The following PRH1 variants were observed in gnomAD, a reference collection of about 807,000 sequenced individuals.
PRH1 encodes proline rich protein HaeIII subfamily 1.
A neutral mutation model predicts 7.9 loss-of-function variants in PRH1; 7 were observed. The observed-to-expected ratio is 0.89, with a 90% CI of 0.50 to 1.67. The LOEUF is 1.67. PRH1 is among the 40% of genes most tolerant of loss of function. PRH1 has a pLI of 0.00. For missense variants in PRH1, 109 were observed against 223.6 expected, an observed-to-expected ratio of 0.49 and a Z score of 3.27; for synonymous variants, 45 against 80.8, an observed-to-expected ratio of 0.56 and a Z score of 2.38.
intron 1 of PRH1, among the ~76,000 whole-genome samples, chr12:11,067,839 G>A (rs542083301): frequency 1.3e-5 from 2 of 152,208 alleles, no homozygotes; most frequent in South Asian, 2.1e-4. Flanking sequence ...CTCCAGCCTG[G>A]GCAACAGAGA....
intron 1 of PRH1, among the ~76,000 whole-genome samples, chr12:10,981,179 A>T (rs1939331491): frequency 6.6e-6 from 1 of 152,122 alleles, no homozygotes; most frequent in African/African-American, 2.4e-5. Context: ...AAGAACACTC[A>T]GGATGTATCA....
At chr12:10,893,938 T>C (rs926450914) in intron 2 of PRH1, among the ~76,000 whole-genome samples, 1 of 152,176 alleles carries the variant, frequency 6.6e-6, no homozygotes, top group African/African-American at 2.4e-5. Context: ...TATTTTTACA[T>C]GCTTTCTCAT....
chr12:11,067,409 C>T (rs977453949), intron 1 of PRH1, among the ~76,000 whole-genome samples: 2 of 150,292 alleles, frequency 1.3e-5, no homozygotes, highest in Non-Finnish European at 3.0e-5. Context: ...CTTTGTGACA[C>T]TTTGACATGT....
chr12:11,062,188 A>G (rs372249503), intron 1 of PRH1: 7 of 1,613,522 alleles, frequency 4.3e-6, no homozygotes, highest in Middle Eastern at 1.6e-4. Flanking sequence ...TTGTCTCTTG[A>G]ACCACTCAAT....
intron 1 of PRH1, among the ~76,000 whole-genome samples, chr12:11,014,583 G>C (rs1941207412): frequency 5.3e-5 from 8 of 152,088 alleles, no homozygotes; most frequent in Admixed American, 5.2e-4. Context: ...TGATTCCTGA[G>C]GTCAGCCTTT....
At chr12:11,133,002 T>C (rs956301462) in intron 1 of PRH1, 19 of 346,380 alleles carry the variant, frequency 5.5e-5, no homozygotes, top group African/African-American at 4.0e-4. Context: ...ATAAAATACA[T>C]GTATGAAATA....
intron 1 of PRH1, among the ~76,000 whole-genome samples, chr12:11,019,215 C>G (rs376213840): frequency 0.015 from 2,224 of 152,246 alleles, 1 homozygote; most frequent in South Asian, 0.028. Context: ...TTTGTTGTGG[C>G]TTCCCCTTGT....
chr12:10,907,784 T>TA (rs1949827167), intron 2 of PRH1: 1 of 150,694 alleles, frequency 6.6e-6, no homozygotes, highest in Non-Finnish European at 1.5e-5. Flanking sequence ...TAATATTTAC[T>TA]TTAAAAGGCA....
intron 1 of PRH1, among the ~76,000 whole-genome samples, chr12:11,036,762 A>G (rs1942447329): frequency 6.6e-6 from 1 of 152,194 alleles, no homozygotes; most frequent in African/African-American, 2.4e-5. Context: ...TCTTTTTAAA[A>G]TTACTTATTT....
At chr12:10,912,273 G>A (rs1257976039) in intron 2 of PRH1, among the ~76,000 whole-genome samples, 2 of 152,066 alleles carry the variant, frequency 1.3e-5, no homozygotes, top group East Asian at 3.8e-4. Flanking sequence ...GAGTACATGA[G>A]CATACATTTC....
In PRH1 at chr12:11,145,726, A is replaced by G. The variant is rs372728210; in HGVS notation, n.40-24546T>C. On this transcript the variant is annotated intron_variant and non_coding_transcript_variant, in intron 1 of 1. Transcript: ENST00000541175. ...ACAAACAAAAAGGTTAAAGTCGCTT[A>G]AGCCAGCATTGCCTAAAATATTTAA... Among the ~76,000 whole-genome samples, 9 of 151,500 alleles carry G rather than the reference A, an allele frequency of 5.9e-5. No individual in the cohort carries two copies. The East Asian group carries it at 1.5e-3, about 26-fold the overall frequency.
intron 1 of PRH1, chr12:11,134,398 C>T: frequency 1.1e-6 from 1 of 944,072 alleles, no homozygotes; most frequent in Non-Finnish European, 1.5e-6. Flanking sequence ...AGTGTCAAGT[C>T]AGAAATCACC....
intron 1 of PRH1, among the ~76,000 whole-genome samples, chr12:11,130,645 G>C (rs1294616968): frequency 3.2e-5 from 4 of 125,744 alleles, no homozygotes; most frequent in African/African-American, 1.1e-4. Context: ...ATAGGACTCT[G>C]TGCATGTCTC....
At chr12:10,970,406 C>T (rs572691198) in intron 2 of PRH1, among the ~76,000 whole-genome samples, 1 of 152,050 alleles carries the variant, frequency 6.6e-6, no homozygotes, top group African/African-American at 2.4e-5. Flanking sequence ...ATTTCTGTCA[C>T]TTTGTGCATT....
intron 1 of PRH1, chr12:11,061,278 T>G (rs1943588147): frequency 6.6e-7 from 1 of 1,518,180 alleles, no homozygotes; most frequent in South Asian, 1.4e-5. Context: ...TATACATACA[T>G]TACAGAAAAC....
intron 1 of PRH1, among the ~76,000 whole-genome samples, chr12:10,987,913 C>T (rs1160999746): frequency 1.3e-5 from 2 of 152,138 alleles, no homozygotes; most frequent in Non-Finnish European, 1.5e-5. Context: ...ACTCGGAGCT[C>T]ACTCACACAA....
At chr12:11,022,496 AG>A (rs1941707214) in intron 1 of PRH1, 1 of 1,613,646 alleles carries the variant, frequency 6.2e-7, no homozygotes, top group African/African-American at 1.3e-5. Flanking sequence ...AGGGCTATGA[AG>A]CCATTGGCAA....
rs149713796 is a variant in PRH1, at chr12:10,926,199, T to C, written c.-58-41924A>G. Among the ~76,000 whole-genome samples the C allele has an allele frequency of 3.8e-3, 573 of 152,344 alleles. 2 individuals carry two copies. The highest frequency in any genetic ancestry group is 0.013 in the African/African-American group (544 of 41,570). ...GACCATTGTGTTTATTTGCTAACTG[T>C]ATTATCAGACTGCTTAGTTGATACA... On this transcript the variant is annotated intron_variant, in intron 2 of 3. Coordinates refer to the PRH1 transcript ENST00000539853.
intron 2 of PRH1, among the ~76,000 whole-genome samples, chr12:10,970,338 G>A (rs1490579339): frequency 6.6e-6 from 1 of 151,680 alleles, no homozygotes; most frequent in African/African-American, 2.4e-5. Flanking sequence ...ATAAATTTAG[G>A]GATAATCATC....
Sources: allele counts gnomAD v4.1 joint callset (sites outside exome capture counted in the v4.1 genomes callset), GRCh38; gene constraint gnomAD v4.1.1; transcripts MANE v1.5; gene names NCBI Gene and HGNC (gene_info 2026-07-23, HGNC 2026-07-21).